Variants in DSCAM observed in about 807,000 individuals in gnomAD.
The protein encoded by DSCAM is DS cell adhesion molecule, also known as cell adhesion molecule DSCAM.
DSCAM carries 47 observed loss-of-function variants against 217.7 expected under a neutral mutation model. The observed-to-expected ratio is 0.22, with a 90% CI of 0.17 to 0.28. The LOEUF (loss-of-function observed/expected upper bound fraction) is 0.28, where lower values mean the gene tolerates loss of function less well. Among genes scored for constraint, DSCAM ranks in the 10% least tolerant of loss-of-function variants. The pLI is 1.00. For synonymous variants in DSCAM, 1,056 were observed against 1,015.3 expected (o/e 1.04, Z -0.76); for missense variants, 2,080 against 2,618.3 (o/e 0.79, Z 4.49).
intron 3 of DSCAM, among the ~76,000 whole-genome samples, chr21:40,675,395 C>G (rs2090327322): frequency 6.6e-6 from 1 of 151,394 alleles, no homozygotes; most frequent in Non-Finnish European, 1.5e-5. Context: ...TATACTTGGG[C>G]CTATTTGCTC....
intron 3 of DSCAM, among the ~76,000 whole-genome samples, chr21:40,636,922 G>A (rs1022747902): frequency 1.3e-4 from 19 of 149,908 alleles, no homozygotes; most frequent in Admixed American, 1.1e-3. Context: ...GGATCCAAGC[G>A]GAATCAAGCC....
intron 32 of DSCAM, among the ~76,000 whole-genome samples, chr21:40,029,797 C>T (rs1347737914): frequency 6.6e-6 from 1 of 152,106 alleles, no homozygotes; most frequent in East Asian, 1.9e-4. Flanking sequence ...GCTAAATAAC[C>T]CCCACCCCCA....
intron 8 of DSCAM, among the ~76,000 whole-genome samples, chr21:40,314,690 G>C (rs2074177255): frequency 6.6e-6 from 1 of 152,110 alleles, no homozygotes; most frequent in African/African-American, 2.4e-5. Flanking sequence ...CAAAAACCTG[G>C]TTGTCAGCAT....
chr21:40,705,040 T>A lies in DSCAM; in HGVS notation c.361+3414A>T, dbSNP rs1232582757. ...ATCAGATATTAAGAGTGATCAAGTA[T>A]CAAGAGTAAGGGGATGATTTAGCAG... On this transcript the variant is annotated intron_variant, in intron 2 of 32. Transcript: ENST00000400454. 4.6e-5 allele frequency among the ~76,000 whole-genome samples: 7 copies of A among 152,262 alleles called. No homozygotes were observed. The South Asian group carries it at 6.2e-4, about 14-fold the overall frequency.
At chr21:40,187,049 T>C in intron 14 of DSCAM, 82 bp downstream of exon 14, 1 of 1,543,528 alleles carries the variant, frequency 6.5e-7, no homozygotes, top group South Asian at 1.2e-5. Context: ...GCTGTGCGCT[T>C]ACAGGTAAAA....
chr21:40,211,447 T>C (rs2091183120), intron 11 of DSCAM, among the ~76,000 whole-genome samples: 1 of 152,258 alleles, frequency 6.6e-6, no homozygotes. Context: ...TTTAGTTTTA[T>C]GAGAAACTGC....
At chr21:40,029,592 A>T (rs1238703727) in intron 32 of DSCAM, among the ~76,000 whole-genome samples, 1 of 152,142 alleles carries the variant, frequency 6.6e-6, no homozygotes, top group African/African-American at 2.4e-5. Flanking sequence ...GCGGGCCCCA[A>T]GGCATGCAGA....
intron 11 of DSCAM, among the ~76,000 whole-genome samples, chr21:40,246,546 A>G (rs1016014384): frequency 6.8e-6 from 1 of 146,896 alleles, no homozygotes; most frequent in Non-Finnish European, 1.5e-5. Context: ...ATATCAAAGA[A>G]AAAAAAAAAG....
intron 6 of DSCAM, among the ~76,000 whole-genome samples, chr21:40,342,626 G>GTGTGTGTATATATA (rs1491362590): frequency 1.1e-5 from 1 of 94,720 alleles, no homozygotes; most frequent in African/African-American, 5.0e-5. Flanking sequence ...GTGTGTGTGT[G>GTGTGTGTATATATA]TATATATATA....
At chr21:40,305,995 T>C (rs1206297991) in intron 9 of DSCAM, among the ~76,000 whole-genome samples, 1 of 152,104 alleles carries the variant, frequency 6.6e-6, no homozygotes, top group Admixed American at 6.5e-5. Context: ...ATTGGTAGCT[T>C]GATGGGGATG....
intron 3 of DSCAM, among the ~76,000 whole-genome samples, chr21:40,537,263 A>C (rs1240779912): frequency 1.3e-5 from 2 of 152,188 alleles, no homozygotes; most frequent in African/African-American, 4.8e-5. Flanking sequence ...AATTTATTCA[A>C]TATGTGGTGA....
chr21:40,726,729 C>T (rs1043058444), intron 1 of DSCAM, among the ~76,000 whole-genome samples: 2 of 152,102 alleles, frequency 1.3e-5, no homozygotes, highest in Admixed American at 1.3e-4. Context: ...TGCCCCCACT[C>T]GAACTCATGT....
chr21:40,459,461 G>GAGTAAAA (rs1002765913), intron 3 of DSCAM, among the ~76,000 whole-genome samples: 1 of 152,164 alleles, frequency 6.6e-6, no homozygotes, highest in Non-Finnish European at 1.5e-5. Context: ...TGAAGTGACT[G>GAGTAAAA]AGTAAAAAGT....
chr21:40,506,774 G>T (rs1055622609), intron 3 of DSCAM, among the ~76,000 whole-genome samples: 5 of 152,034 alleles, frequency 3.3e-5, no homozygotes, highest in African/African-American at 9.7e-5. Flanking sequence ...ACATCAGATT[G>T]GTGGTTATAA....
At chr21:40,169,680 T>G (rs116401735) in intron 15 of DSCAM, among the ~76,000 whole-genome samples, 2,826 of 152,252 alleles carry the variant, frequency 0.019, 77 homozygotes, top group African/African-American at 0.064. Context: ...AATGGGGACA[T>G]TGCGGCCTCG....
intron 3 of DSCAM, among the ~76,000 whole-genome samples, chr21:40,637,977 C>A (rs1601812732): frequency 1.3e-5 from 2 of 151,948 alleles, no homozygotes; most frequent in East Asian, 3.9e-4. Flanking sequence ...AGCCACCATG[C>A]CCGGCCCCCA....
chr21:40,684,071 AAAAAT>A (rs944093251), intron 3 of DSCAM, among the ~76,000 whole-genome samples: 2 of 151,780 alleles, frequency 1.3e-5, no homozygotes, highest in Admixed American at 6.6e-5. Context: ...CTAAAAAAAA[AAAAAT>A]AGCCAGGTGT....
At chr21:40,294,859 C>T (rs1293707270) in intron 10 of DSCAM, among the ~76,000 whole-genome samples, 1 of 152,050 alleles carries the variant, frequency 6.6e-6, no homozygotes, top group African/African-American at 2.4e-5. Context: ...TGAAGAAGTC[C>T]TTTGCACATG....
At chr21:40,327,374 T>C (rs1396274165) in intron 8 of DSCAM, among the ~76,000 whole-genome samples, 1 of 152,186 alleles carries the variant, frequency 6.6e-6, no homozygotes, top group Admixed American at 6.5e-5. Context: ...ATAAAAGAAT[T>C]GTATTCTTAT....
Sources: allele counts gnomAD v4.1 joint callset (sites outside exome capture counted in the v4.1 genomes callset), GRCh38; gene constraint gnomAD v4.1.1; transcripts MANE v1.5; gene names NCBI Gene and HGNC (gene_info 2026-07-23, HGNC 2026-07-21).